ARL15: variants seen among roughly 807,000 people sequenced by gnomAD.
The protein encoded by ARL15 is ARF like GTPase 15, also known as ADP-ribosylation factor-like protein 15.
In ARL15, 19 loss-of-function variants were observed where a neutral mutation model predicts 25.2. The observed-to-expected ratio is 0.75, with a 90% CI of 0.53 to 1.10. The LOEUF is 1.10. ARL15 is among the 50% of genes least tolerant of loss of function. The pLI is 0.00. For missense variants in ARL15, 220 were observed against 246.0 expected, an observed-to-expected ratio of 0.89 and a Z score of 0.71; for synonymous variants, 94 against 86.8, an observed-to-expected ratio of 1.08 and a Z score of -0.46.
chr5:53,984,656 C>T (rs1748230494), intron 4 of ARL15, among the ~76,000 whole-genome samples: 1 of 152,036 alleles, frequency 6.6e-6, no homozygotes, highest in South Asian at 2.1e-4. Flanking sequence ...TATTATTTAC[C>T]ATAATAATTT....
intron 4 of ARL15, among the ~76,000 whole-genome samples, chr5:54,092,819 CACTGAT>C (rs1177128458): frequency 2.6e-5 from 4 of 152,148 alleles, no homozygotes; most frequent in African/African-American, 9.7e-5. Flanking sequence ...CCAAATCCTA[CACTGAT>C]ACTAATTTTC....
intron 4 of ARL15, among the ~76,000 whole-genome samples, chr5:53,900,249 G>T (rs1026288989): frequency 3.3e-5 from 5 of 152,184 alleles, no homozygotes; most frequent in Non-Finnish European, 4.4e-5. Context: ...GCTGATACAT[G>T]AAGAAATAGC....
intron 4 of ARL15, among the ~76,000 whole-genome samples, chr5:53,959,946 C>T (rs1747307432): frequency 6.6e-6 from 1 of 151,982 alleles, no homozygotes; most frequent in African/African-American, 2.4e-5. Context: ...CTGATCACTG[C>T]TGCATCTGTT....
intron 3 of ARL15, among the ~76,000 whole-genome samples, chr5:54,140,374 G>T (rs1445701217): frequency 6.6e-6 from 1 of 151,546 alleles, no homozygotes; most frequent in Non-Finnish European, 1.5e-5. Flanking sequence ...CTATGATTTT[G>T]AAATAAAGGG....
chr5:53,945,416 T>A (rs1244545168), intron 4 of ARL15, among the ~76,000 whole-genome samples: 1 of 152,176 alleles, frequency 6.6e-6, no homozygotes, highest in African/African-American at 2.4e-5. Context: ...TAATCTTTGG[T>A]TCGTTAACTC....
intron 1 of ARL15, among the ~76,000 whole-genome samples, chr5:54,197,162 A>G (rs1228915448): frequency 6.6e-6 from 1 of 152,026 alleles, no homozygotes; most frequent in Non-Finnish European, 1.5e-5. Context: ...ACTAGACTGA[A>G]GTGTAGTAGC....
At chr5:54,114,328 C>T (rs971668580) in intron 3 of ARL15, among the ~76,000 whole-genome samples, 1 of 134,600 alleles carries the variant, frequency 7.4e-6, no homozygotes, top group Non-Finnish European at 1.5e-5. Flanking sequence ...CGCTTGAACC[C>T]GGGAGGTGGA....
intron 1 of ARL15, among the ~76,000 whole-genome samples, chr5:54,216,583 T>C (rs923929945): frequency 6.6e-6 from 1 of 152,196 alleles, no homozygotes; most frequent in Non-Finnish European, 1.5e-5. Context: ...TTTTATTTTA[T>C]AGCAGTTATA....
intron 1 of ARL15, among the ~76,000 whole-genome samples, chr5:54,175,154 AC>A (rs1181488408): frequency 1.3e-5 from 2 of 152,092 alleles, no homozygotes; most frequent in Non-Finnish European, 2.9e-5. Flanking sequence ...TTTGCCAAAC[AC>A]TCCAGAATTT....
At chr5:54,095,088 T>A (rs1041773847) in intron 4 of ARL15, among the ~76,000 whole-genome samples, 1 of 152,112 alleles carries the variant, frequency 6.6e-6, no homozygotes, top group African/African-American at 2.4e-5. Flanking sequence ...TGGGCTTGCA[T>A]AGGACAGGGA....
chr5:54,197,673 G>C (rs1229059966), intron 1 of ARL15, among the ~76,000 whole-genome samples: 18 of 152,008 alleles, frequency 1.2e-4, no homozygotes, highest in Admixed American at 1.2e-3. Flanking sequence ...CAACCAAAAA[G>C]AGTCCAGGAC....
intron 4 of ARL15, among the ~76,000 whole-genome samples, chr5:53,913,406 A>G (rs1012945627): frequency 4.6e-5 from 7 of 152,168 alleles, no homozygotes; most frequent in African/African-American, 1.7e-4. Flanking sequence ...CTTTCCAAAT[A>G]TGAACTCTTT....
In ARL15 at chr5:54,225,532, G is replaced by C. The variant is rs186977931; in HGVS notation, c.49-53604C>G. 1.6e-3 allele frequency among the ~76,000 whole-genome samples: 237 copies of C among 152,304 alleles called. 2 individuals carry two copies. The Middle Eastern group carries it at 0.027, about 17-fold the overall frequency. On this transcript the variant is annotated intron_variant, in intron 1 of 4. Transcript: ENST00000504924. ...ACTGGGTGGTGAAGAGTGACAGTAG[G>C]AAGAAGTGACAGTTCTTTGAGAAAT...
chr5:54,197,482 C>T (rs73118761), intron 1 of ARL15, among the ~76,000 whole-genome samples: 38,118 of 152,030 alleles, frequency 0.25, 5,273 homozygotes, highest in African/African-American at 0.35. Context: ...CTCTGTTCAG[C>T]ACAGTACATA....
chr5:54,087,849 T>A (rs1752020812), intron 4 of ARL15, among the ~76,000 whole-genome samples: 1 of 109,404 alleles, frequency 9.1e-6, no homozygotes, highest in Non-Finnish European at 2.1e-5. Context: ...CTAATTTTTG[T>A]ATTTTTAGTA....
chr5:53,979,369 C>CA (rs1158943613), intron 4 of ARL15, among the ~76,000 whole-genome samples: 7 of 151,444 alleles, frequency 4.6e-5, no homozygotes, highest in South Asian at 4.2e-4. Flanking sequence ...CTCATCTCTA[C>CA]AAAAAAAATA....
chr5:54,191,110 C>T (rs186119185), intron 1 of ARL15, among the ~76,000 whole-genome samples: 48 of 152,044 alleles, frequency 3.2e-4, no homozygotes, highest in South Asian at 1.2e-3. Flanking sequence ...TACATATAAT[C>T]GATTACTATT....
chr5:54,168,689 T>A (rs1484648001), intron 2 of ARL15, among the ~76,000 whole-genome samples: 2 of 152,042 alleles, frequency 1.3e-5, no homozygotes, highest in African/African-American at 2.4e-5. Context: ...ATGCTTTCTA[T>A]CCCTAACTCT....
chr5:53,952,005 C>T (rs757460436), intron 4 of ARL15, among the ~76,000 whole-genome samples: 9 of 151,810 alleles, frequency 5.9e-5, no homozygotes, highest in Non-Finnish European at 7.4e-5. Context: ...TGGTGGCTCG[C>T]GCCTGTAATC....
Sources: gnomAD v4.1 joint callset for allele counts (sites outside exome capture counted in the v4.1 genomes callset) on GRCh38, gnomAD v4.1.1 for gene constraint, MANE v1.5 for transcripts, NCBI Gene and HGNC (gene_info 2026-07-23, HGNC 2026-07-21) for gene names.